RAB11FIP5: variants seen among roughly 807,000 people sequenced by gnomAD.
RAB11FIP5 encodes RAB11 family interacting protein 5, also known as rab11 family-interacting protein 5.
In RAB11FIP5, 48 loss-of-function variants were observed where a neutral mutation model predicts 85.1. That is an observed-to-expected ratio of 0.56 (90% CI 0.45 to 0.72). RAB11FIP5 has a LOEUF of 0.72. RAB11FIP5 is among the 30% of genes least tolerant of loss of function. The probability of loss-of-function intolerance (pLI) is 0.00; values close to 1 mark genes in which losing one functional copy is unlikely to be tolerated. For synonymous variants in RAB11FIP5, 729 were observed against 727.3 expected (o/e 1.00, Z -0.04); for missense variants, 1,491 against 1,687.0 (o/e 0.88, Z 2.04).
In RAB11FIP5 at chr2:73,088,393, G is replaced by T; in HGVS notation, c.1225C>A (p.Gln409Lys). The T allele has an allele frequency of 1.2e-6, 2 of 1,613,884 alleles. No individual in the cohort carries two copies. Among genetic ancestry groups the T allele is most frequent in the Non-Finnish European group, 1.7e-6 (2 of 1,180,046 alleles). Residue 409 changes from glutamine to lysine, a missense_variant, in exon 3 of 6, where the codon CAG (glutamine) becomes AAG (lysine). Coordinates refer to ENST00000486777, the MANE Select transcript of RAB11FIP5 (RefSeq NM_001371272.1). The part of the protein sequence containing the change: ...AVLGQEELSA[Q>K]AKVLAPGASH... ...GCCCCAGGGGCCAGGACTTTAGCCT[G>T]AGCACTCAGCTCCTCCTGTCCAAGC... is the stretch of plus-strand genomic sequence containing the variant.
intron 1 of RAB11FIP5, among the ~76,000 whole-genome samples, chr2:73,105,692 G>C (rs1278094054): frequency 6.6e-6 from 1 of 152,092 alleles, no homozygotes; most frequent in Non-Finnish European, 1.5e-5. Context: ...AGGAGAAGCA[G>C]GTCATGCCTA....
Position 73,102,553 on chromosome 2 carries a change from G to C in RAB11FIP5, c.431+9794C>G, listed in dbSNP as rs149740273. Among the ~76,000 whole-genome samples the C allele has an allele frequency of 1.2e-3, 179 of 152,212 alleles. 1 individual carries two copies. Among genetic ancestry groups the C allele is most frequent in the African/African-American group, 3.9e-3 (164 of 41,528 alleles). On this transcript the variant is annotated intron_variant, in intron 1 of 5. Transcript: ENST00000486777. ...ATGGGGAAGGTAGGAGAGCCAGGGG[G>C]GCCCCTGGGAGCACCCCTTTTTCGC...
Position 73,112,491 on chromosome 2 carries a change from GCCGGGCCCGCGTCGGCCT to G in RAB11FIP5, c.269_286del (p.Glu90_Pro95del). On this transcript the variant is annotated inframe_deletion, in exon 1 of 6. Transcript: ENST00000486777. ...GGCGGCGGAGCTCGCGGCCCAGGGC[GCCGGGCCCGCGTCGGCCT>G]CCTGCGCCCGCAGCAGGCCATCCAG... 5 of 1,486,926 alleles carry G rather than the reference GCCGGGCCCGCGTCGGCCT, an allele frequency of 3.4e-6. No individual in the cohort carries two copies. The highest frequency in any genetic ancestry group is 4.5e-6 in the Non-Finnish European group (5 of 1,122,654). The allele number at this position is 1,486,926 out of a possible 1,614,324, so 92.1% of individuals were successfully genotyped here. A position where few individuals can be genotyped will look rare whatever the true frequency, so the allele number is the denominator to read the frequency against.
Position 73,080,329 on chromosome 2 carries a change from G to A in RAB11FIP5, c.2903C>T (p.Thr968Ile), listed in dbSNP as rs763064328. The A allele has an allele frequency of 7.0e-4, 857 of 1,232,732 alleles. No homozygotes were observed. The highest frequency in any genetic ancestry group is 7.8e-4 in the Non-Finnish European group (772 of 988,402). The allele number at this position is 1,232,732 out of a possible 1,614,324, so 76.4% of individuals were successfully genotyped here. ...TTCCAGGCCAGGCTGGCCCAGCAGG[G>A]TTGCAGAGGAGCAGCTGTCAGACTC... ...SEESDSCSSA[T>I]LLGQPGLEEL... The change falls in exon 4 of 6, where the codon ACC (threonine) becomes ATC (isoleucine). Residue 968 changes from threonine to isoleucine, a missense_variant. By Grantham distance (89) the Thr-to-Ile change is moderately conservative. Transcript: ENST00000486777.
chr2:73,111,581 C>G (rs574185540), intron 1 of RAB11FIP5, among the ~76,000 whole-genome samples: 1 of 152,218 alleles, frequency 6.6e-6, no homozygotes, highest in Non-Finnish European at 1.5e-5. Flanking sequence ...TTAAAAAAAC[C>G]CTGGCCCACT....
At position 73,081,546 on chromosome 2, in the gene RAB11FIP5, G is replaced by A. The variant is rs570511067; in HGVS notation, c.1686C>T (p.Ser562=). The A allele has an allele frequency of 8.2e-7, 1 of 1,213,866 alleles. No individual in the cohort carries two copies. The highest frequency in any genetic ancestry group is 1.0e-6 in the Non-Finnish European group (1 of 971,086). 75.2% of individuals were successfully genotyped at this position (1,213,866 alleles called of 1,614,324 possible). ...GGGAGGCGGCTGCAAAAAGGTTAGT[G>A]CTTAGCATGGGAGCAGCAGTGGGAG... is the stretch of plus-strand genomic sequence containing the variant. ...TPAPTAAPML[S]TNLFAAASPA... Residue 562 remains serine, a synonymous_variant, in exon 4 of 6, where the codon AGC becomes AGT. Transcript: ENST00000486777. The surrounding 1 kb of genome is among the most constrained non-coding windows in gnomAD (Gnocchi z 4.2).
At chr2:73,107,076 G>A (rs374034082) in intron 1 of RAB11FIP5, among the ~76,000 whole-genome samples, 1 of 152,178 alleles carries the variant, frequency 6.6e-6, no homozygotes. Context: ...AATAACCTCA[G>A]GCCAGCTCAG....
chr2:73,088,605 A>C lies in RAB11FIP5; in HGVS notation c.1013T>G (p.Val338Gly). The stretch of plus-strand genomic sequence containing the variant: ...CTCATTGTAAATGTGGCTCCCATTG[A>C]CACAGAGCGAAGAGCGGGAGGCAGC... ...LDAASRSSLCVNGSHIYNEEP... is the reference protein window; with the variant it reads ...LDAASRSSLCGNGSHIYNEEP... The change falls in exon 3 of 6, where the codon GTC becomes GGC. Residue 338 changes from valine to glycine, a missense_variant. Val to Gly is a moderately radical substitution (Grantham distance 109). Around this residue, in one of 3 missense-constraint regions of RAB11FIP5, gnomAD observed 1,211 missense variants for 1,338.0 expected, o/e 0.91. Transcript: ENST00000486777. The C allele has an allele frequency of 6.2e-7, 1 of 1,613,554 alleles. No individual in the cohort carries two copies. The highest frequency in any genetic ancestry group is 8.5e-7 in the Non-Finnish European group (1 of 1,180,042).
intron 1 of RAB11FIP5, among the ~76,000 whole-genome samples, chr2:73,109,625 G>A (rs1426065410): frequency 1.3e-5 from 2 of 152,156 alleles, no homozygotes; most frequent in Admixed American, 6.5e-5. Context: ...GCAGAGCTGC[G>A]GGCTTATCTG....
Position 73,112,373 on chromosome 2 carries a change from G to A in RAB11FIP5, c.405C>T (p.Phe135=), listed in dbSNP as rs1364353834. Residue 135 remains phenylalanine, a synonymous_variant, in exon 1 of 6, where the codon TTC becomes TTT. Coordinates refer to ENST00000486777, the MANE Select transcript of RAB11FIP5 (RefSeq NM_001371272.1). ...GQATVALDEV[F]GAGRAQHTQW... is the part of the protein sequence containing the mutation. ...GCGTGTGCTGGGCGCGGCCTGCGCC[G>A]AAGACCTCGTCCAGCGCCACCGTGG... 3 of 1,599,356 alleles carry A rather than the reference G, an allele frequency of 1.9e-6. No homozygotes were observed. The highest frequency in any genetic ancestry group is 2.7e-5 in the African/African-American group (2 of 73,772).
At chr2:73,094,120 C>CAAA (rs550613252) in intron 1 of RAB11FIP5, among the ~76,000 whole-genome samples, 9 of 84,648 alleles carry the variant, frequency 1.1e-4, no homozygotes, top group African/African-American at 2.2e-4. Context: ...GACTTTGTCT[C>CAAA]AAAAAAAAAA....
At chr2:73,084,534 T>C (rs914823348) in intron 3 of RAB11FIP5, 1 of 152,240 alleles carries the variant, frequency 6.6e-6, no homozygotes, top group Non-Finnish European at 1.5e-5. Flanking sequence ...GAAGTCCAGA[T>C]GTCTCTGCCC....
chr2:73,099,241 G>C (rs903786907), intron 1 of RAB11FIP5, among the ~76,000 whole-genome samples: 1 of 151,748 alleles, frequency 6.6e-6, no homozygotes, highest in Non-Finnish European at 1.5e-5. Context: ...GTAGAGACGT[G>C]GTTTCACCAT....
rs938714460 is a variant in RAB11FIP5 at position 73,079,787 on chromosome 2, C to T, written c.3445G>A (p.Gly1149Ser). The T allele has an allele frequency of 6.5e-6, 8 of 1,232,356 alleles. No homozygotes were observed. The highest frequency in any genetic ancestry group is 8.1e-6 in the Non-Finnish European group (8 of 988,240). The allele number at this position is 1,232,356 out of a possible 1,614,324, so 76.3% of individuals were successfully genotyped here. The change falls in exon 4 of 6, where the codon GGC becomes AGC. Residue 1149 changes from glycine (G) to serine (S), a missense_variant. Around this residue, in one of 3 missense-constraint regions of RAB11FIP5, gnomAD observed 232 missense variants for 259.1 expected, o/e 0.90. Transcript: ENST00000486777. ...CCAGGTGGGGAGGGCTCATGGGGGC[C>T]AGGGAGTAAGGCTGGCTCCCCTGGT... ...APPGEPALLP[G>S]PHEPSPPGGS...
In RAB11FIP5 at chr2:73,075,258, C is replaced by G; in HGVS notation, c.*263G>C. On this transcript the variant is annotated 3_prime_UTR_variant, in exon 6 of 6. Transcript: ENST00000486777. The surrounding 1 kb of genome is among the most constrained non-coding windows in gnomAD (Gnocchi z 4.6). Reference sequence around the variant, plus strand: ...GGAAGAGTTCCAATTCCCTGGGGCCCCCAAAGCTGAGGGATATGAAAACAG... The same window carrying G: ...GGAAGAGTTCCAATTCCCTGGGGCCGCCAAAGCTGAGGGATATGAAAACAG... 2 of 692,764 alleles carry G rather than the reference C, an allele frequency of 2.9e-6. No individual in the cohort carries two copies. The highest frequency in any genetic ancestry group is 5.3e-6 in the Non-Finnish European group (2 of 379,074). The allele number at this position is 692,764 out of a possible 1,614,324, so 42.9% of individuals were successfully genotyped here. A position where few individuals can be genotyped will look rare whatever the true frequency, so the allele number is the denominator to read the frequency against.
chr2:73,090,161 A>G (rs1437785922), intron 1 of RAB11FIP5, among the ~76,000 whole-genome samples: 1 of 152,142 alleles, frequency 6.6e-6, no homozygotes, highest in Admixed American at 6.5e-5. Context: ...TCAGTGGTAA[A>G]GGAACCCATC....
Position 73,088,579 on chromosome 2 carries a change from C to T in RAB11FIP5, c.1039G>A (p.Glu347Lys), listed in dbSNP as rs371021491. ...CVNGSHIYNE[E>K]PQGPVRHRSS... is the part of the protein sequence containing the mutation. ...CGGTGCCGCACAGGGCCCTGGGGCT[C>T]CTCATTGTAAATGTGGCTCCCATTG... Residue 347 changes from glutamate to lysine, a missense_variant, in exon 3 of 6, where the codon GAG becomes AAG. By Grantham distance (56) the Glu-to-Lys change is moderately conservative. Transcript: ENST00000486777. 150 of 1,613,656 alleles carry T rather than the reference C, an allele frequency of 9.3e-5. No individual in the cohort carries two copies. Among genetic ancestry groups the T allele is most frequent in the Middle Eastern group, 1.6e-4 (1 of 6,084 alleles).
intron 4 of RAB11FIP5, among the ~76,000 whole-genome samples, chr2:73,077,332 C>T (rs922896191): frequency 2.0e-5 from 3 of 152,188 alleles, no homozygotes; most frequent in Admixed American, 1.3e-4. Context: ...CAGCCTCGGC[C>T]TTAACAATCA....
At chr2:73,093,578 C>T (rs1169529003) in intron 1 of RAB11FIP5, among the ~76,000 whole-genome samples, 8 of 152,230 alleles carry the variant, frequency 5.3e-5, no homozygotes, top group African/African-American at 1.7e-4. Flanking sequence ...GACAGCAGGG[C>T]ATGGTGGTGA....
Sources: allele counts gnomAD v4.1 joint callset (sites outside exome capture counted in the v4.1 genomes callset), GRCh38; gene constraint gnomAD v4.1.1; regional missense constraint gnomAD v4.1.1; non-coding constraint Gnocchi (gnomAD v3.1); transcripts MANE v1.5; gene names NCBI Gene and HGNC (gene_info 2026-07-23, HGNC 2026-07-21).